The following EXOC4 variants were observed in gnomAD, a reference collection of about 807,000 sequenced individuals.
EXOC4 encodes exocyst complex component 4.
A neutral mutation model predicts 107.2 loss-of-function variants in EXOC4; 71 were observed. The observed-to-expected ratio is 0.66, with a 90% confidence interval of 0.55 to 0.81. The LOEUF (loss-of-function observed/expected upper bound fraction) is 0.81. EXOC4 is among the 30% of genes least tolerant of loss of function. EXOC4 has a pLI of 0.00. For synonymous variants in EXOC4, 456 were observed against 441.2 expected (o/e 1.03, Z -0.42); for missense variants, 1,108 against 1,189.6 (o/e 0.93, Z 1.01).
intron 10 of EXOC4, among the ~76,000 whole-genome samples, chr7:133,698,107 AAAT>A (rs1794575722): frequency 2.4e-5 from 1 of 41,926 alleles, no homozygotes; most frequent in African/African-American, 8.4e-5. Context: ...TAAAAAATGT[AAAT>A]AATTTATGAA....
At chr7:133,269,547 G>C (rs995527649) in intron 1 of EXOC4, among the ~76,000 whole-genome samples, 17 of 152,142 alleles carry the variant, frequency 1.1e-4, no homozygotes, top group African/African-American at 3.9e-4. Flanking sequence ...TTTATCCTGT[G>C]TCTCACTTTC....
chr7:133,817,445 C>T lies in EXOC4; in HGVS notation c.1635C>T (p.Asn545=). 6.2e-7 allele frequency: 1 copy of T among 1,614,084 alleles called. No homozygotes were observed. Among genetic ancestry groups the T allele is most frequent in the South Asian group, 1.1e-5 (1 of 91,076 alleles). ...IFLNQVLAEI[N]KEIEGVTKTS... Reference sequence around the variant, plus strand: ...TCAATCAAGTCTTGGCTGAGATCAACAAGGAGATTGAAGGAGTCACTAAAA... The same window carrying T: ...TCAATCAAGTCTTGGCTGAGATCAATAAGGAGATTGAAGGAGTCACTAAAA... The change falls in exon 11 of 18, where the codon AAC becomes AAT. Residue 545 remains asparagine, a synonymous_variant. Transcript: ENST00000253861.
intron 14 of EXOC4, among the ~76,000 whole-genome samples, chr7:133,965,869 A>G (rs1035477769): frequency 5.9e-5 from 9 of 152,278 alleles, no homozygotes; most frequent in African/African-American, 1.7e-4. Flanking sequence ...AAGAAAGCCA[A>G]TGGTATTTTG....
chr7:133,783,302 C>T (rs1796504704), intron 10 of EXOC4, among the ~76,000 whole-genome samples: 1 of 152,092 alleles, frequency 6.6e-6, no homozygotes, highest in Non-Finnish European at 1.5e-5. Flanking sequence ...TTGCCAAGGC[C>T]AGCTGTAGTT....
At chr7:133,847,807 C>T (rs113773082) in intron 11 of EXOC4, among the ~76,000 whole-genome samples, 1 of 150,718 alleles carries the variant, frequency 6.6e-6, no homozygotes, top group African/African-American at 2.4e-5. Flanking sequence ...CTCCCAGGTT[C>T]AAGCAATTCT....
intron 12 of EXOC4, among the ~76,000 whole-genome samples, chr7:133,911,729 C>T (rs1799700308): frequency 1.3e-5 from 2 of 152,192 alleles, no homozygotes; most frequent in African/African-American, 4.8e-5. Flanking sequence ...CTCACACCTA[C>T]AGATCCAACT....
At chr7:133,933,460 C>T (rs535177950) in intron 13 of EXOC4, among the ~76,000 whole-genome samples, 2 of 152,240 alleles carry the variant, frequency 1.3e-5, no homozygotes, top group Admixed American at 6.5e-5. Flanking sequence ...CATCTTTGAG[C>T]AATTGCTGAG....
In EXOC4 at chr7:133,274,552, A is replaced by G. The variant is rs1793944809; in HGVS notation, c.87-430A>G. Among the ~76,000 whole-genome samples the G allele has an allele frequency of 2.0e-5, 3 of 152,188 alleles. No homozygotes were observed. The East Asian group carries it at 5.8e-4, about 29-fold the overall frequency. ...TTAAGTATCTTATCTTTGTACAGTG[A>G]TACCTAGGGTTGGGAAAGGCACCTT... On this transcript the variant is annotated intron_variant, in intron 1 of 17. Coordinates refer to ENST00000253861, the MANE Select transcript of EXOC4 (RefSeq NM_021807.4).
chr7:133,810,954 G>C (rs1797213855), intron 10 of EXOC4, among the ~76,000 whole-genome samples: 1 of 152,084 alleles, frequency 6.6e-6, no homozygotes, highest in East Asian at 1.9e-4. Context: ...TTAAACATTT[G>C]AAAGCAATGA....
At chr7:133,525,844 A>G (rs1429218550) in intron 9 of EXOC4, among the ~76,000 whole-genome samples, 4 of 152,196 alleles carry the variant, frequency 2.6e-5, no homozygotes, top group African/African-American at 9.7e-5. Context: ...GAAATGCTAA[A>G]TTTCAGTAGA....
At chr7:133,647,704 C>G (rs1803028376) in intron 10 of EXOC4, among the ~76,000 whole-genome samples, 2 of 151,988 alleles carry the variant, frequency 1.3e-5, no homozygotes, top group East Asian at 1.9e-4. Flanking sequence ...CTCTGATAAT[C>G]CAGTCAAACA....
intron 10 of EXOC4, among the ~76,000 whole-genome samples, chr7:133,667,436 A>C (rs568141139): frequency 1.1e-3 from 170 of 152,356 alleles, no homozygotes; most frequent in Admixed American, 2.5e-3. Context: ...TTTATTTTCT[A>C]GACAGGGAAA....
chr7:134,073,903 G>A, the EXOC4 span, among the ~76,000 whole-genome samples: 1 of 152,098 alleles, frequency 6.6e-6, no homozygotes, highest in African/African-American at 2.4e-5. Flanking sequence ...CTCCTTCTGC[G>A]ACACAGTGAA....
chr7:134,033,319 A>G (rs1242411329), intron 17 of EXOC4, among the ~76,000 whole-genome samples: 1 of 152,224 alleles, frequency 6.6e-6, no homozygotes. Context: ...TGTTCTTGAA[A>G]GAGCCATCCT....
intron 11 of EXOC4, among the ~76,000 whole-genome samples, chr7:133,828,714 AAG>A (rs1797750801): frequency 6.6e-6 from 1 of 152,220 alleles, no homozygotes; most frequent in Non-Finnish European, 1.5e-5. Flanking sequence ...CTCTTATAAC[AAG>A]AGTGACATGA....
the EXOC4 span, among the ~76,000 whole-genome samples, chr7:134,080,819 A>G: frequency 6.6e-6 from 1 of 151,852 alleles, no homozygotes; most frequent in African/African-American, 2.4e-5. Flanking sequence ...GGTAGTACCC[A>G]CCTGTAGTCT....
intron 11 of EXOC4, among the ~76,000 whole-genome samples, chr7:133,823,645 T>C (rs1797578602): frequency 6.7e-6 from 1 of 149,954 alleles, no homozygotes. Context: ...TGAAACCCTG[T>C]CTATAACTAA....
chr7:133,738,395 G>C (rs184396092), intron 10 of EXOC4, among the ~76,000 whole-genome samples: 20 of 152,228 alleles, frequency 1.3e-4, no homozygotes, highest in Non-Finnish European at 2.5e-4. Flanking sequence ...AGCATTTCTT[G>C]GAAATAGCAT....
At chr7:133,828,788 A>C (rs1364148346) in intron 11 of EXOC4, among the ~76,000 whole-genome samples, 1 of 152,200 alleles carries the variant, frequency 6.6e-6, no homozygotes, top group East Asian at 1.9e-4. Flanking sequence ...TATTTATTCG[A>C]CACCTGCTTT....
Sources: gnomAD v4.1 joint callset for allele counts (sites outside exome capture counted in the v4.1 genomes callset) on GRCh38, gnomAD v4.1.1 for gene constraint, MANE v1.5 for transcripts, NCBI Gene and HGNC (gene_info 2026-07-23, HGNC 2026-07-21) for gene names.